Variants in WNT9B observed in about 807,000 individuals in gnomAD.
WNT9B encodes Wnt family member 9B.
In WNT9B, 12 loss-of-function variants were observed where a neutral mutation model predicts 30.2. That is an observed-to-expected ratio of 0.40 (90% confidence interval 0.26 to 0.64). The LOEUF is 0.64. Ranked by LOEUF, WNT9B falls within the 30% of genes least tolerant of loss-of-function variation. The probability of loss-of-function intolerance (pLI) is 0.42; values close to 1 mark genes in which losing one functional copy is unlikely to be tolerated. For missense variants in WNT9B, 442 were observed against 485.2 expected, an observed-to-expected ratio of 0.91 and a Z score of 0.84; for synonymous variants, 218 against 216.9, an observed-to-expected ratio of 1.01 and a Z score of -0.05.
chr17:46,885,832 C>A (rs2085482488), exon 5 of WNT9B: 1 of 152,500 alleles, frequency 6.6e-6, no homozygotes, highest in African/African-American at 2.4e-5. Context: ...TGCTACTTGC[C>A]TTTTTCTCTC....
downstream of WNT9B, among the ~76,000 whole-genome samples, chr17:46,883,141 G>A (rs1234034693): frequency 1.3e-5 from 2 of 151,602 alleles, no homozygotes; most frequent in Admixed American, 6.6e-5. Context: ...ACCACGCCCG[G>A]CTAATTTTGT....
chr17:46,858,632 A>T (rs1412275230), intron 1 of WNT9B, among the ~76,000 whole-genome samples: 3 of 152,186 alleles, frequency 2.0e-5, no homozygotes, highest in African/African-American at 7.2e-5. Context: ...TCACTTTCTC[A>T]TACAGCCCCT....
chr17:46,867,571 G>T (rs762812566), intron 1 of WNT9B, among the ~76,000 whole-genome samples: 80 of 152,242 alleles, frequency 5.3e-4, no homozygotes, highest in Admixed American at 5.2e-3. Flanking sequence ...GAAGGGTGAG[G>T]TCCCTGGGGT....
chr17:46,852,605 G>A (rs1476380952), intron 1 of WNT9B, among the ~76,000 whole-genome samples: 1 of 151,918 alleles, frequency 6.6e-6, no homozygotes, highest in Non-Finnish European at 1.5e-5. Context: ...TGAATTGCAG[G>A]GATTTGGTGA....
intron 3 of WNT9B, 22 bp downstream of exon 3, chr17:46,875,388 C>A: frequency 6.4e-7 from 1 of 1,568,684 alleles, no homozygotes; most frequent in East Asian, 2.3e-5. Flanking sequence ...CCTGGCTGCC[C>A]GCAGTGCCTT....
intron 1 of WNT9B, among the ~76,000 whole-genome samples, chr17:46,869,506 C>T (rs566311703): frequency 5.3e-5 from 8 of 152,288 alleles, no homozygotes; most frequent in South Asian, 2.1e-4. Flanking sequence ...GCACCAAAAA[C>T]GAAAACAAAA....
At chr17:46,839,515 A>T (rs2084674109) in intron 1 of WNT9B, among the ~76,000 whole-genome samples, 1 of 152,214 alleles carries the variant, frequency 6.6e-6, no homozygotes, top group Admixed American at 6.5e-5. Context: ...CACAGGCTGT[A>T]AATTCTTTAT....
intron 3 of WNT9B, 146 bp downstream of exon 3, chr17:46,875,512 A>G (rs2085330727): frequency 8.6e-7 from 1 of 1,165,490 alleles, no homozygotes; most frequent in Non-Finnish European, 1.2e-6. Context: ...CACGTCTTCA[A>G]CCAGCATTCC....
rs1368247088 is a variant in WNT9B, at chr17:46,851,644, C to T, written c.6C>T (p.Arg2=). The T allele has an allele frequency of 3.1e-6, 4 of 1,278,338 alleles. No individual in the cohort carries two copies. The highest frequency in any genetic ancestry group is 3.9e-6 in the Non-Finnish European group (4 of 1,016,826). 79.2% of individuals were successfully genotyped at this position (1,278,338 alleles called of 1,614,324 possible). A position where few individuals can be genotyped will look rare whatever the true frequency, so the allele number is the denominator to read the frequency against. ...GGCGCAGCGCCGCCAGCACCATGCG[C>T]CCCCCGCCCGCGCTGGCCCTGGCCG... M[R]PPPALALAGL... Residue 2 remains arginine, a synonymous_variant, in exon 1 of 4, where the codon CGC becomes CGT. Coordinates refer to ENST00000290015, the MANE Select transcript of WNT9B (RefSeq NM_003396.3). The surrounding 1 kb of genome is among the most constrained non-coding windows in gnomAD (Gnocchi z 4.3).
At chr17:46,835,953 G>A (rs114778273) in intron 1 of WNT9B, among the ~76,000 whole-genome samples, 3,672 of 152,304 alleles carry the variant, frequency 0.024, 125 homozygotes, top group African/African-American at 0.079. Context: ...CCTCAGAGGT[G>A]AGATCCTGCC....
downstream of WNT9B, among the ~76,000 whole-genome samples, chr17:46,881,653 C>A (rs1045920655): frequency 6.6e-6 from 1 of 152,210 alleles, no homozygotes; most frequent in Admixed American, 6.5e-5. Context: ...CCCGCAGACC[C>A]CTCCACCTCC....
intron 1 of WNT9B, among the ~76,000 whole-genome samples, chr17:46,835,900 G>A (rs1306022777): frequency 6.6e-6 from 1 of 152,244 alleles, no homozygotes; most frequent in African/African-American, 2.4e-5. Flanking sequence ...GGAGACAGGA[G>A]ACCCGGCCCT....
chr17:46,877,533 C>T lies in WNT9B; in HGVS notation c.*815C>T, dbSNP rs1185981586. On this transcript the variant is annotated 3_prime_UTR_variant, in exon 4 of 4. Coordinates refer to ENST00000290015, the MANE Select transcript of WNT9B (RefSeq NM_003396.3). ...GGGACTCAGTGCACCTGAGGTTGAA[C>T]AGGGAGACAACGGCCCCTCCCTGTG... 6.6e-6 allele frequency among the ~76,000 whole-genome samples: 1 copy of T among 152,180 alleles called. No homozygotes were observed. Among genetic ancestry groups the T allele is most frequent in the African/African-American group, 2.4e-5 (1 of 41,438 alleles).
intron 1 of WNT9B, among the ~76,000 whole-genome samples, chr17:46,841,233 T>C (rs2084709464): frequency 6.6e-6 from 1 of 152,178 alleles, no homozygotes; most frequent in African/African-American, 2.4e-5. Flanking sequence ...AGCAGCTTTC[T>C]CCCTATTTAC....
chr17:46,872,462 G>T, intron 1 of WNT9B, 55 bp from the exon 2 acceptor site: 1 of 1,432,770 alleles, frequency 7.0e-7, no homozygotes. Context: ...CCCTTCATTT[G>T]CCCCTCACCA....
In WNT9B at chr17:46,873,398, G is replaced by C. The variant is rs769270484; in HGVS notation, c.334+625G>C. Among the ~76,000 whole-genome samples the C allele has an allele frequency of 2.6e-5, 4 of 152,050 alleles. No homozygotes were observed. In the East Asian group the frequency reaches 7.8e-4, roughly 30 times the overall value. ...AGCTGAACCAGACCCAGCTACCCTC[G>C]GGAAGCATGCAGTCTGGAAGGGAGA... On this transcript the variant is annotated intron_variant, in intron 2 of 3. Transcript: ENST00000290015.
At position 46,862,864 on chromosome 17, in the gene WNT9B, G is replaced by A. The variant is rs187148244; in HGVS notation, c.78-9653G>A. On this transcript the variant is annotated intron_variant, in intron 1 of 3. Coordinates refer to ENST00000290015, the MANE Select transcript of WNT9B (RefSeq NM_003396.3). ...CTCCCAGAGTGCTGGGATTACAAGC[G>A]TGAGCCACTGTGTACCAGGCCTAAG... Among the ~76,000 whole-genome samples, 882 of 152,268 alleles carry A rather than the reference G, an allele frequency of 5.8e-3. 2 individuals carry two copies. Among genetic ancestry groups the A allele is most frequent in the Non-Finnish European group, 8.7e-3 (591 of 68,010 alleles).
chr17:46,880,346 C>A lies in WNT9B; in HGVS notation c.*3628C>A, dbSNP rs1235759667. Among the ~76,000 whole-genome samples, 2 of 152,214 alleles carry A rather than the reference C, an allele frequency of 1.3e-5. No homozygotes were observed. Among genetic ancestry groups the A allele is most frequent in the African/African-American group, 4.8e-5 (2 of 41,458 alleles). On this transcript the variant is annotated 3_prime_UTR_variant, in exon 4 of 4. Coordinates refer to ENST00000290015, the MANE Select transcript of WNT9B (RefSeq NM_003396.3). ...ACTTCAAATGCTTTCTGTCTCAGGA[C>A]ACTTTAGAATAACAATGGAAGCCAT...
Position 46,876,938 on chromosome 17 carries a change from C to A in WNT9B, c.*220C>A. On this transcript the variant is annotated 3_prime_UTR_variant, in exon 4 of 4. Coordinates refer to ENST00000290015, the MANE Select transcript of WNT9B (RefSeq NM_003396.3). The stretch of plus-strand genomic sequence containing the variant: ...GCAAAGCCTCCTCCCTTAACCCAAG[C>A]ATCCCCAACCTTGTTGAGGACTTGG... 1 of 1,325,214 alleles carries A rather than the reference C, an allele frequency of 7.5e-7. No individual in the cohort carries two copies. The highest frequency in any genetic ancestry group is 9.6e-7 in the Non-Finnish European group (1 of 1,040,860). The allele number at this position is 1,325,214 out of a possible 1,614,324, so 82.1% of individuals were successfully genotyped here.
Sources: gnomAD v4.1 joint callset for allele counts (sites outside exome capture counted in the v4.1 genomes callset) on GRCh38, gnomAD v4.1.1 for gene constraint, Gnocchi (gnomAD v3.1) non-coding constraint, MANE v1.5 for transcripts, NCBI Gene and HGNC (gene_info 2026-07-23, HGNC 2026-07-21) for gene names.